PTK2: variants seen among roughly 807,000 people sequenced by gnomAD.
PTK2 encodes the protein focal adhesion kinase 1.
Under a neutral mutation model 150.1 loss-of-function variants are expected in PTK2, and 45 were observed. The ratio of observed to expected loss-of-function variants is 0.30; its 90% CI spans 0.24 to 0.38. The LOEUF is 0.38. Among genes scored for constraint, PTK2 ranks in the 10% least tolerant of loss-of-function variants. The probability of loss-of-function intolerance (pLI) is 1.00; values close to 1 mark genes in which losing one functional copy is unlikely to be tolerated. For synonymous variants in PTK2, 432 were observed against 449.2 expected, an observed-to-expected ratio of 0.96 and a Z score of 0.48; for missense variants, 919 against 1,307.3, an observed-to-expected ratio of 0.70 and a Z score of 4.58.
chr8:140,865,930 A>T (rs1186263526), intron 4 of PTK2, among the ~76,000 whole-genome samples: 1 of 151,942 alleles, frequency 6.6e-6, no homozygotes, highest in East Asian at 1.9e-4. Context: ...GGCTACAGAC[A>T]CCTGCCACCA....
At chr8:140,868,488 T>C (rs2100140672) in intron 4 of PTK2, among the ~76,000 whole-genome samples, 1 of 152,198 alleles carries the variant, frequency 6.6e-6, no homozygotes, top group Non-Finnish European at 1.5e-5. Context: ...TATCTATGTA[T>C]CTTCCCAGAA....
chr8:140,697,640 T>C (rs1464674117), intron 26 of PTK2, among the ~76,000 whole-genome samples: 4 of 152,104 alleles, frequency 2.6e-5, no homozygotes, highest in African/African-American at 9.7e-5. Context: ...GCCAGGCCGG[T>C]CTCGAACTCC....
intron 1 of PTK2, among the ~76,000 whole-genome samples, chr8:140,942,107 G>A (rs1351259436): frequency 7.0e-6 from 1 of 143,436 alleles, no homozygotes; most frequent in Non-Finnish European, 1.5e-5. Flanking sequence ...TCAAACTCCT[G>A]GGCTCAAGCG....
chr8:140,696,147 C>T (rs1179860761), intron 26 of PTK2, among the ~76,000 whole-genome samples: 10 of 152,254 alleles, frequency 6.6e-5, no homozygotes, highest in African/African-American at 2.2e-4. Flanking sequence ...GCTGAACAAA[C>T]GGTACGATGG....
At chr8:140,930,077 C>G (rs1318040765) in intron 1 of PTK2, among the ~76,000 whole-genome samples, 1 of 152,134 alleles carries the variant, frequency 6.6e-6, no homozygotes, top group Non-Finnish European at 1.5e-5. Flanking sequence ...GTCTACTAAA[C>G]CTCCAATAAA....
intron 5 of PTK2, among the ~76,000 whole-genome samples, chr8:140,848,602 T>C (rs1377741186): frequency 1.3e-5 from 2 of 152,206 alleles, no homozygotes; most frequent in Non-Finnish European, 2.9e-5. Flanking sequence ...CGGAACTGAA[T>C]TAATTCATTC....
intron 5 of PTK2, among the ~76,000 whole-genome samples, chr8:140,860,529 C>T (rs183180246): frequency 8.5e-5 from 13 of 152,248 alleles, no homozygotes; most frequent in Non-Finnish European, 1.8e-4. Flanking sequence ...GGCTGGAGTG[C>T]AGTGGCATGA....
intron 2 of PTK2, among the ~76,000 whole-genome samples, chr8:140,916,963 CAT>C (rs1353279893): frequency 2.2e-4 from 34 of 152,128 alleles, no homozygotes; most frequent in African/African-American, 8.2e-4. Context: ...AATGGAATAA[CAT>C]GTATGTTTTT....
chr8:140,720,610 T>C (rs1381037315), intron 22 of PTK2, among the ~76,000 whole-genome samples: 1 of 152,184 alleles, frequency 6.6e-6, no homozygotes, highest in Non-Finnish European at 1.5e-5. Flanking sequence ...AATATCTAAA[T>C]GAAAATTAGA....
intron 1 of PTK2, among the ~76,000 whole-genome samples, chr8:140,982,155 C>T (rs2100191679): frequency 6.6e-6 from 1 of 151,232 alleles, no homozygotes; most frequent in South Asian, 2.1e-4. Flanking sequence ...TAGCAAGCTA[C>T]AGTTTATTTT....
intron 8 of PTK2, among the ~76,000 whole-genome samples, chr8:140,824,850 C>T (rs140576851): frequency 1.3e-5 from 2 of 152,312 alleles, no homozygotes; most frequent in East Asian, 1.9e-4. Flanking sequence ...GGCATCTACG[C>T]ACACTATTTT....
chr8:140,796,691 A>T (rs2100091801), intron 12 of PTK2, among the ~76,000 whole-genome samples: 1 of 152,216 alleles, frequency 6.6e-6, no homozygotes, highest in Non-Finnish European at 1.5e-5. Flanking sequence ...GGCAACAGAC[A>T]CCATCAGTAG....
intron 30 of PTK2, among the ~76,000 whole-genome samples, chr8:140,667,403 T>G (rs1476896936): frequency 2.0e-5 from 3 of 152,170 alleles, no homozygotes; most frequent in African/African-American, 7.2e-5. Context: ...CTGTACTCTT[T>G]AAAAGGAGCC....
At chr8:140,869,396 T>G (rs753406740) in intron 4 of PTK2, among the ~76,000 whole-genome samples, 17 of 152,160 alleles carry the variant, frequency 1.1e-4, no homozygotes, top group Non-Finnish European at 1.5e-5. Context: ...CCTCTGAAAG[T>G]TGGCCAGCTT....
exon 26 of PTK2, chr8:140,700,945 C>T (rs1222569005): frequency 1.9e-5 from 30 of 1,613,828 alleles, no homozygotes; most frequent in Non-Finnish European, 2.4e-5. Context: ...TTTCCTGTTG[C>T]TGTCGGATTA....
chr8:140,702,527 G>C, intron 25 of PTK2, 43 bp downstream of exon 28: 1 of 1,602,266 alleles, frequency 6.2e-7, no homozygotes, highest in African/African-American at 1.3e-5. Flanking sequence ...GCTTTGCCAT[G>C]CTTTATAAGT....
chr8:140,683,334 G>A (rs2100018094), intron 27 of PTK2, among the ~76,000 whole-genome samples: 1 of 152,060 alleles, frequency 6.6e-6, no homozygotes, highest in African/African-American at 2.4e-5. Context: ...GACCAATAAT[G>A]AGCTCTGAAA....
chr8:140,978,638 T>C (rs914890057), intron 1 of PTK2, among the ~76,000 whole-genome samples: 66 of 151,356 alleles, frequency 4.4e-4, no homozygotes, highest in Non-Finnish European at 8.6e-4. Flanking sequence ...TGTGGAGAAA[T>C]AGGAACACTT....
At chr8:140,982,465 C>T (rs907404169) in intron 1 of PTK2, among the ~76,000 whole-genome samples, 5 of 152,098 alleles carry the variant, frequency 3.3e-5, no homozygotes, top group African/African-American at 4.8e-5. Flanking sequence ...GACATGGTGG[C>T]GGGTGCCTGT....
Sources: gnomAD v4.1 joint callset for allele counts (sites outside exome capture counted in the v4.1 genomes callset) on GRCh38, gnomAD v4.1.1 for gene constraint, MANE v1.5 for transcripts, NCBI Gene and HGNC (gene_info 2026-07-23, HGNC 2026-07-21) for gene names.